CYP19A1: variants seen among roughly 807,000 people sequenced by gnomAD.
CYP19A1 encodes the protein aromatase.
In CYP19A1, 32 loss-of-function variants were observed where a neutral mutation model predicts 44.4. The ratio of observed to expected loss-of-function variants is 0.72; its 90% CI spans 0.54 to 0.97. The LOEUF (loss-of-function observed/expected upper bound fraction) is 0.97. CYP19A1 is among the 50% of genes least tolerant of loss of function. The probability of loss-of-function intolerance (pLI) is 0.00; values close to 1 mark genes in which losing one functional copy is unlikely to be tolerated. For missense variants in CYP19A1, 598 were observed against 637.8 expected, an observed-to-expected ratio of 0.94 and a Z score of 0.67; for synonymous variants, 212 against 215.6, an observed-to-expected ratio of 0.98 and a Z score of 0.14.
At chr15:51,287,251 T>C (rs2035725812) in intron 1 of CYP19A1, among the ~76,000 whole-genome samples, 1 of 152,192 alleles carries the variant, frequency 6.6e-6, no homozygotes, top group Non-Finnish European at 1.5e-5. Context: ...GTGGAAAATA[T>C]ATCCTTTAAG....
At chr15:51,297,492 G>C (rs963566181) in intron 1 of CYP19A1, among the ~76,000 whole-genome samples, 3 of 152,146 alleles carry the variant, frequency 2.0e-5, no homozygotes, top group Non-Finnish European at 2.9e-5. Flanking sequence ...ACTCAGAGCT[G>C]CTTGCTGCAG....
intron 1 of CYP19A1, among the ~76,000 whole-genome samples, chr15:51,288,483 C>T (rs767009873): frequency 9.8e-5 from 15 of 152,300 alleles, no homozygotes; most frequent in South Asian, 6.2e-4. Context: ...TTCACCACCG[C>T]GTTCCTGCTT....
intron 5 of CYP19A1, among the ~76,000 whole-genome samples, chr15:51,220,287 C>T (rs1315394411): frequency 6.6e-6 from 1 of 152,198 alleles, no homozygotes; most frequent in Non-Finnish European, 1.5e-5. Context: ...ACTTCCTGTC[C>T]TCTTGCCCTG....
Position 51,210,757 on chromosome 15 carries a change from A to C in CYP19A1, c.*51T>G. On this transcript the variant is annotated 3_prime_UTR_variant, in exon 10 of 10. Transcript: ENST00000396402. ...CTATTGGCAAGGATGGATGATTTGT[A>C]TGTGAACTACTGATGAGAAATGCTC... The C allele has an allele frequency of 8.5e-7, 1 of 1,177,434 alleles. No individual in the cohort carries two copies. Among genetic ancestry groups the C allele is most frequent in the South Asian group, 1.2e-5 (1 of 82,730 alleles). The allele number at this position is 1,177,434 out of a possible 1,614,324, so 72.9% of individuals were successfully genotyped here.
At chr15:51,247,681 G>A (rs570331747) in intron 1 of CYP19A1, among the ~76,000 whole-genome samples, 2 of 152,132 alleles carry the variant, frequency 1.3e-5, no homozygotes, top group South Asian at 2.1e-4. Context: ...CACCATGTTG[G>A]TCAGGCTAGT....
At chr15:51,233,698 A>G (rs1188760411) in intron 3 of CYP19A1, among the ~76,000 whole-genome samples, 4 of 152,198 alleles carry the variant, frequency 2.6e-5, no homozygotes, top group African/African-American at 9.6e-5. Context: ...AGATATGCAA[A>G]TATAACCCAA....
At chr15:51,315,025 TTGC>T (rs2036395762) in intron 1 of CYP19A1, among the ~76,000 whole-genome samples, 1 of 152,066 alleles carries the variant, frequency 6.6e-6, no homozygotes, top group Non-Finnish European at 1.5e-5. Context: ...CCGATCCTGC[TTGC>T]TTTCATCCAC....
At chr15:51,277,724 AG>A (rs1397565696) in intron 1 of CYP19A1, among the ~76,000 whole-genome samples, 1 of 152,224 alleles carries the variant, frequency 6.6e-6, no homozygotes, top group Non-Finnish European at 1.5e-5. Flanking sequence ...GAAAACCTAC[AG>A]AAATAAATTC....
intron 1 of CYP19A1, among the ~76,000 whole-genome samples, chr15:51,263,832 GA>G (rs1390799656): frequency 6.6e-6 from 1 of 152,230 alleles, no homozygotes; most frequent in East Asian, 1.9e-4. Flanking sequence ...GGAGCTTCTA[GA>G]AAAGCACAGT....
In CYP19A1 at chr15:51,285,210, T is replaced by C. The variant is rs566166845; in HGVS notation, c.-38-42260A>G. Among the ~76,000 whole-genome samples, 6 of 152,286 alleles carry C rather than the reference T, an allele frequency of 3.9e-5. No homozygotes were observed. The East Asian group carries it at 1.2e-3, about 29-fold the overall frequency. On this transcript the variant is annotated intron_variant, in intron 1 of 9. Coordinates refer to ENST00000396402, the MANE Select transcript of CYP19A1 (RefSeq NM_000103.4). The stretch of plus-strand genomic sequence containing the variant: ...CCCTAATAGTTAGGCAGGAGTATCA[T>C]TGCCCCCATTCAGCATGGACCTTCA...
In CYP19A1 at chr15:51,210,790, G is replaced by C. The variant is rs2030871858; in HGVS notation, c.*18C>G. On this transcript the variant is annotated 3_prime_UTR_variant, in exon 10 of 10. Coordinates refer to ENST00000396402, the MANE Select transcript of CYP19A1 (RefSeq NM_000103.4). ...TACTGATGAGAAATGCTCCAGAGTG[G>C]GTACTGACCAGCCTTCTCTAGTGTT... The C allele has an allele frequency of 2.0e-6, 3 of 1,476,288 alleles. No individual in the cohort carries two copies. The highest frequency in any genetic ancestry group is 1.9e-6 in the Non-Finnish European group (2 of 1,053,718). The allele number at this position is 1,476,288 out of a possible 1,614,324, so 91.4% of individuals were successfully genotyped here.
At chr15:51,296,251 C>G (rs1353746537) in intron 1 of CYP19A1, among the ~76,000 whole-genome samples, 1 of 151,904 alleles carries the variant, frequency 6.6e-6, no homozygotes, top group Non-Finnish European at 1.5e-5. Flanking sequence ...TAGAAGAGGC[C>G]TTGAGAGAAA....
At chr15:51,252,573 G>A (rs540565997) in intron 1 of CYP19A1, among the ~76,000 whole-genome samples, 1 of 152,194 alleles carries the variant, frequency 6.6e-6, no homozygotes, top group African/African-American at 2.4e-5. Flanking sequence ...GGGAAAGTGA[G>A]GGGCAAAATT....
intron 1 of CYP19A1, among the ~76,000 whole-genome samples, chr15:51,294,999 GAA>G (rs202195912): frequency 4.2e-5 from 6 of 143,748 alleles, no homozygotes; most frequent in African/African-American, 7.6e-5. Context: ...CTGCCTTGGG[GAA>G]AAAAAAAAAA....
At chr15:51,290,796 CTT>C (rs1054289726) in intron 1 of CYP19A1, among the ~76,000 whole-genome samples, 3 of 152,216 alleles carry the variant, frequency 2.0e-5, no homozygotes, top group Non-Finnish European at 4.4e-5. Context: ...ATTTTGCCTC[CTT>C]TTCCCAAGAC....
At chr15:51,304,342 T>C (rs8031463) in intron 1 of CYP19A1, among the ~76,000 whole-genome samples, 29,850 of 152,084 alleles carry the variant, frequency 0.2, 5,805 homozygotes, top group African/African-American at 0.49. Context: ...TTTTTAGCCC[T>C]TAGCTAGTCA....
intron 1 of CYP19A1, among the ~76,000 whole-genome samples, chr15:51,243,615 C>G (rs1012076269): frequency 2.0e-5 from 3 of 151,528 alleles, no homozygotes; most frequent in Non-Finnish European, 2.9e-5. Flanking sequence ...GACCGGCCAA[C>G]GGTAGTGTGG....
chr15:51,310,083 C>T (rs1342513897), intron 1 of CYP19A1, among the ~76,000 whole-genome samples: 8 of 152,244 alleles, frequency 5.3e-5, no homozygotes, highest in East Asian at 1.9e-4. Context: ...GGATTCTGTC[C>T]GTGAAAGTCC....
chr15:51,325,568 C>T (rs1018808960), intron 1 of CYP19A1, among the ~76,000 whole-genome samples: 1 of 152,136 alleles, frequency 6.6e-6, no homozygotes, highest in African/African-American at 2.4e-5. Flanking sequence ...GGCCAGGCGC[C>T]ATGGCTCATG....
Sources: gnomAD v4.1 joint callset for allele counts (sites outside exome capture counted in the v4.1 genomes callset) on GRCh38, gnomAD v4.1.1 for gene constraint, MANE v1.5 for transcripts, NCBI Gene and HGNC (gene_info 2026-07-23, HGNC 2026-07-21) for gene names.